The following GRID1 variants were observed in gnomAD, a reference collection of about 807,000 sequenced individuals.
GRID1 encodes the protein glutamate receptor ionotropic, delta-1.
Under a neutral mutation model 98.0 loss-of-function variants are expected in GRID1, and 28 were observed. The ratio of observed to expected loss-of-function variants is 0.29; its 90% CI spans 0.21 to 0.39. The LOEUF (loss-of-function observed/expected upper bound fraction) is 0.39. GRID1 is among the 10% of genes least tolerant of loss of function. GRID1 has a pLI of 1.00. For missense variants in GRID1, 1,111 were observed against 1,340.5 expected (o/e 0.83, Z 2.67); for synonymous variants, 553 against 538.5 (o/e 1.03, Z -0.37).
At chr10:85,968,450 C>CAAAAAAAAAA (rs56938729) in intron 4 of GRID1, among the ~76,000 whole-genome samples, 1 of 102,442 alleles carries the variant, frequency 9.8e-6, no homozygotes, top group Non-Finnish European at 2.0e-5. Context: ...GACTCTGTCT[C>CAAAAAAAAAA]AAAAAAAAAA....
At chr10:85,627,248 T>G (rs1157664374) in intron 13 of GRID1, among the ~76,000 whole-genome samples, 1 of 152,234 alleles carries the variant, frequency 6.6e-6, no homozygotes, top group Non-Finnish European at 1.5e-5. Flanking sequence ...TTGCTGCCTG[T>G]GCAGACAAGT....
intron 13 of GRID1, among the ~76,000 whole-genome samples, chr10:85,634,493 T>A (rs527626087): frequency 3.0e-4 from 46 of 152,158 alleles, no homozygotes; most frequent in Non-Finnish European, 1.5e-4. Flanking sequence ...ATAATAACAG[T>A]AGTAATAACA....
chr10:86,226,799 C>T (rs1005729349), intron 2 of GRID1, among the ~76,000 whole-genome samples: 2 of 150,884 alleles, frequency 1.3e-5, no homozygotes, highest in Non-Finnish European at 3.0e-5. Flanking sequence ...TCCCCTCACC[C>T]GCAGCCCCCT....
At chr10:85,664,231 C>T (rs970242828) in intron 12 of GRID1, among the ~76,000 whole-genome samples, 8 of 152,062 alleles carry the variant, frequency 5.3e-5, no homozygotes, top group Non-Finnish European at 1.2e-4. Context: ...TAAAAGAATG[C>T]CTACTATGTG....
chr10:86,258,498 T>C (rs1166210355), intron 2 of GRID1, among the ~76,000 whole-genome samples: 2 of 152,034 alleles, frequency 1.3e-5, no homozygotes, highest in African/African-American at 4.8e-5. Flanking sequence ...TTTTTGTAGG[T>C]TGTTTATGGT....
intron 5 of GRID1, among the ~76,000 whole-genome samples, chr10:85,882,781 TA>T (rs147674049): frequency 0.048 from 7,239 of 152,092 alleles, 251 homozygotes; most frequent in Non-Finnish European, 0.071. Flanking sequence ...ATAATAATAA[TA>T]TTTTTTTAAA....
In GRID1 at chr10:85,869,102, A is replaced by G. The variant is rs1215896878; in HGVS notation, c.859T>C (p.Ser287Pro). ...RMTVVRQIFP[S>P]AKDNQKCTRN... ...GTGCATTTCTGATTGTCCTTTGCAG[A>G]CGGAAAGATTTGCCGGACCACGGTC... The change falls in exon 6 of 16, where the codon TCT becomes CCT. Residue 287 changes from serine (S) to proline (P), a missense_variant. Around this residue, in one of 3 missense-constraint regions of GRID1, gnomAD observed 346 missense variants for 452.3 expected, o/e 0.76. Coordinates refer to ENST00000327946, the MANE Select transcript of GRID1 (RefSeq NM_017551.3). 2 of 1,613,972 alleles carry G rather than the reference A, an allele frequency of 1.2e-6. No individual in the cohort carries two copies. Among genetic ancestry groups the G allele is most frequent in the East Asian group, 2.2e-5 (1 of 44,864 alleles).
intron 12 of GRID1, among the ~76,000 whole-genome samples, chr10:85,658,783 A>G (rs567536489): frequency 9.2e-5 from 14 of 152,300 alleles, no homozygotes; most frequent in African/African-American, 3.4e-4. Flanking sequence ...CATATAGAAG[A>G]GAGAAATAAA....
intron 4 of GRID1, among the ~76,000 whole-genome samples, chr10:86,027,265 C>T (rs1382273491): frequency 6.6e-5 from 10 of 152,122 alleles, no homozygotes; most frequent in Admixed American, 3.3e-4. Flanking sequence ...TTTCTTTCTC[C>T]GCAGCCCCTG....
chr10:86,155,742 C>T (rs1214522031), intron 3 of GRID1, among the ~76,000 whole-genome samples: 2 of 152,144 alleles, frequency 1.3e-5, no homozygotes, highest in Admixed American at 6.5e-5. Context: ...GTTAATAGTC[C>T]TCAGGACTCT....
At chr10:86,014,319 A>G (rs1842955151) in intron 4 of GRID1, among the ~76,000 whole-genome samples, 1 of 152,276 alleles carries the variant, frequency 6.6e-6, no homozygotes, top group South Asian at 2.1e-4. Context: ...GACTTAGGAA[A>G]GAAGAAATGC....
In GRID1 at chr10:85,620,040, G is replaced by C. The variant is rs762043435; in HGVS notation, c.2194-7C>G. 2 of 1,612,684 alleles carry C rather than the reference G, an allele frequency of 1.2e-6. No homozygotes were observed. The highest frequency in any genetic ancestry group is 3.3e-5 in the Admixed American group (2 of 60,000). ...CGTAGTTCCCCTTCTTTGCCTGAAA[G>C]ATCAAAATTACCATGAAGTCAGGCA... is the stretch of plus-strand genomic sequence containing the variant. On this transcript the variant is annotated splice_polypyrimidine_tract_variant and splice_region_variant and intron_variant, in intron 13 of 15. Coordinates refer to ENST00000327946, the MANE Select transcript of GRID1 (RefSeq NM_017551.3).
chr10:86,112,761 C>A (rs763771088), intron 4 of GRID1, among the ~76,000 whole-genome samples: 2 of 152,110 alleles, frequency 1.3e-5, no homozygotes, highest in Non-Finnish European at 2.9e-5. Flanking sequence ...TGTTTTCTAA[C>A]GATACATCAT....
rs182302025 is a variant in GRID1, at chr10:86,351,275, G to C, written c.235+12666C>G. Reference sequence around the variant, plus strand: ...ATGCACAAGACGGTGTATGTGGATAGAAAAAGTGCGCAGGACTGAGTCAGG... The same window carrying C: ...ATGCACAAGACGGTGTATGTGGATACAAAAAGTGCGCAGGACTGAGTCAGG... On this transcript the variant is annotated intron_variant, in intron 2 of 15. Transcript: ENST00000327946. Among the ~76,000 whole-genome samples, 129 of 152,376 alleles carry C rather than the reference G, an allele frequency of 8.5e-4. 1 individual carries two copies. Among genetic ancestry groups the C allele is most frequent in the Non-Finnish European group, 3.1e-4 (21 of 68,044 alleles).
chr10:86,019,185 C>A (rs763893813), intron 4 of GRID1, among the ~76,000 whole-genome samples: 6 of 152,248 alleles, frequency 3.9e-5, no homozygotes, highest in Non-Finnish European at 5.9e-5. Context: ...CTCAGAAACA[C>A]AACCAGACCA....
chr10:85,815,388 G>A (rs1842707780), intron 8 of GRID1, among the ~76,000 whole-genome samples: 1 of 151,970 alleles, frequency 6.6e-6, no homozygotes, highest in South Asian at 2.1e-4. Context: ...TGGAAGGCAT[G>A]TAATAAGACA....
At chr10:86,090,528 G>GA (rs570698645) in intron 4 of GRID1, among the ~76,000 whole-genome samples, 145 of 143,846 alleles carry the variant, frequency 1.0e-3, no homozygotes, top group Middle Eastern at 3.6e-3. Flanking sequence ...GTGAGACTAT[G>GA]AAAAAAAAAA....
chr10:86,345,924 C>T (rs1269661244), intron 2 of GRID1, among the ~76,000 whole-genome samples: 4 of 152,176 alleles, frequency 2.6e-5, no homozygotes, highest in Admixed American at 2.0e-4. Flanking sequence ...GGAGTGCCTG[C>T]CTCCCTTTCT....
At chr10:86,016,356 C>A (rs1327756099) in intron 4 of GRID1, among the ~76,000 whole-genome samples, 2 of 151,916 alleles carry the variant, frequency 1.3e-5, no homozygotes, top group Admixed American at 1.3e-4. Flanking sequence ...CCGTGTTAGC[C>A]AGGATGGTAA....
Sources: allele counts gnomAD v4.1 joint callset (sites outside exome capture counted in the v4.1 genomes callset), GRCh38; gene constraint gnomAD v4.1.1; regional missense constraint gnomAD v4.1.1; transcripts MANE v1.5; gene names NCBI Gene and HGNC (gene_info 2026-07-23, HGNC 2026-07-21).